DTD1: variants seen among roughly 807,000 people sequenced by gnomAD.
The protein encoded by DTD1 is D-tyrosyl-tRNA deacylase 1 homolog.
A neutral mutation model predicts 25.6 loss-of-function variants in DTD1; 13 were observed. That is an observed-to-expected ratio of 0.51 (90% CI 0.33 to 0.81). The LOEUF (loss-of-function observed/expected upper bound fraction) is 0.81. DTD1 is among the 30% of genes least tolerant of loss of function. The pLI is 0.02. For synonymous variants in DTD1, 110 were observed against 103.6 expected, an observed-to-expected ratio of 1.06 and a Z score of -0.37; for missense variants, 193 against 266.4, an observed-to-expected ratio of 0.72 and a Z score of 1.92.
At chr20:18,720,921 T>G (rs2061200703) in intron 4 of DTD1, among the ~76,000 whole-genome samples, 1 of 152,212 alleles carries the variant, frequency 6.6e-6, no homozygotes, top group Non-Finnish European at 1.5e-5. Context: ...TAAGACACAT[T>G]AATTTAGATA....
chr20:18,734,421 C>G (rs1430946601), intron 4 of DTD1, among the ~76,000 whole-genome samples: 1 of 152,232 alleles, frequency 6.6e-6, no homozygotes, highest in Non-Finnish European at 1.5e-5. Context: ...GAGTGCAAGT[C>G]TCCATCATTC....
intron 4 of DTD1, among the ~76,000 whole-genome samples, chr20:18,641,537 G>A (rs964302104): frequency 1.3e-5 from 2 of 152,138 alleles, no homozygotes; most frequent in Non-Finnish European, 2.9e-5. Flanking sequence ...GTGTGTGTGT[G>A]TGTGTTTTCT....
chr20:18,759,078 T>C (rs1476402650), intron 5 of DTD1, among the ~76,000 whole-genome samples: 1 of 152,160 alleles, frequency 6.6e-6, no homozygotes, highest in East Asian at 1.9e-4. Flanking sequence ...TTTTGTTTTT[T>C]CATTTGCTTG....
chr20:18,760,309 C>G (rs1287558333), intron 5 of DTD1, among the ~76,000 whole-genome samples: 1 of 152,168 alleles, frequency 6.6e-6, no homozygotes, highest in Non-Finnish European at 1.5e-5. Context: ...AGGAGAGGTG[C>G]TCTGATTTTT....
At chr20:18,628,303 G>T in intron 4 of DTD1, 70 bp downstream of exon 4, 1 of 1,148,538 alleles carries the variant, frequency 8.7e-7, no homozygotes, top group Non-Finnish European at 1.3e-6. Flanking sequence ...CCCTGGAAGA[G>T]TCCTCGGTCT....
intron 4 of DTD1, among the ~76,000 whole-genome samples, chr20:18,663,312 A>G (rs2060918589): frequency 6.6e-6 from 1 of 152,044 alleles, no homozygotes; most frequent in African/African-American, 2.4e-5. Context: ...TGAGTCCAGG[A>G]GTTCTAGGCT....
At chr20:18,723,106 G>A (rs2061210995) in intron 4 of DTD1, among the ~76,000 whole-genome samples, 1 of 152,162 alleles carries the variant, frequency 6.6e-6, no homozygotes, top group Non-Finnish European at 1.5e-5. Flanking sequence ...TTGCCATTCT[G>A]GGGCAGAACA....
At chr20:18,651,192 T>A (rs1391342233) in intron 4 of DTD1, among the ~76,000 whole-genome samples, 1 of 152,238 alleles carries the variant, frequency 6.6e-6, no homozygotes, top group African/African-American at 2.4e-5. Context: ...CACTCTGTTA[T>A]GCCGGCTAGA....
At chr20:18,744,029 C>T (rs2061289873) in intron 4 of DTD1, 71 bp from the exon 5 acceptor site, 9 of 1,491,756 alleles carry the variant, frequency 6.0e-6, no homozygotes, top group Non-Finnish European at 8.1e-6. Context: ...CCTGGGAAGT[C>T]ACTGGTGTGT....
intron 4 of DTD1, among the ~76,000 whole-genome samples, chr20:18,635,132 T>A (rs994429065): frequency 6.6e-6 from 1 of 152,210 alleles, no homozygotes; most frequent in Non-Finnish European, 1.5e-5. Context: ...GTTGACTTGC[T>A]GCAGGAGTAT....
At chr20:18,651,723 A>G (rs574040178) in intron 4 of DTD1, among the ~76,000 whole-genome samples, 7 of 152,290 alleles carry the variant, frequency 4.6e-5, no homozygotes, top group East Asian at 1.9e-4. Flanking sequence ...AGACTTTTCA[A>G]AGCTCTCCAG....
chr20:18,669,457 T>C (rs535034416), intron 4 of DTD1, among the ~76,000 whole-genome samples: 32 of 152,328 alleles, frequency 2.1e-4, no homozygotes, highest in Admixed American at 5.9e-4. Context: ...AGCTCCTCTT[T>C]CTCCTGTCAT....
At chr20:18,631,759 C>A (rs1421604780) in intron 4 of DTD1, 15 of 985,234 alleles carry the variant, frequency 1.5e-5, no homozygotes, top group Non-Finnish European at 1.8e-5. Flanking sequence ...TTTATTTGAT[C>A]ATTATTCCAT....
chr20:18,613,253 C>T (rs572682682), intron 3 of DTD1, among the ~76,000 whole-genome samples: 11 of 152,108 alleles, frequency 7.2e-5, no homozygotes, highest in Non-Finnish European at 1.0e-4. Context: ...TATACAGTGC[C>T]GAGTAAGAGT....
intron 4 of DTD1, among the ~76,000 whole-genome samples, chr20:18,721,088 C>T (rs2061201353): frequency 6.6e-6 from 1 of 152,132 alleles, no homozygotes; most frequent in Non-Finnish European, 1.5e-5. Flanking sequence ...CTTTTCTTGT[C>T]TTACTGCACT....
intron 4 of DTD1, among the ~76,000 whole-genome samples, chr20:18,707,460 T>C (rs147150734): frequency 7.9e-4 from 120 of 152,264 alleles, no homozygotes; most frequent in African/African-American, 2.8e-3. Context: ...TCTTACCCAA[T>C]ATACCAAACT....
intron 4 of DTD1, among the ~76,000 whole-genome samples, chr20:18,738,066 A>G (rs1318732051): frequency 6.6e-6 from 1 of 152,200 alleles, no homozygotes; most frequent in Admixed American, 6.5e-5. Context: ...TTATTTTTCC[A>G]GTGGACAGTC....
intron 5 of DTD1, among the ~76,000 whole-genome samples, chr20:18,750,740 G>C (rs2061318525): frequency 6.6e-6 from 1 of 152,200 alleles, no homozygotes; most frequent in Admixed American, 6.5e-5. Context: ...TTTTCTGTGA[G>C]GATGCAGCTC....
At chr20:18,705,779 C>T (rs1308327635) in intron 4 of DTD1, among the ~76,000 whole-genome samples, 2 of 152,148 alleles carry the variant, frequency 1.3e-5, no homozygotes, top group East Asian at 3.8e-4. Context: ...AGGTTGGAAA[C>T]ATTGTTGGAA....
Sources: gnomAD v4.1 joint callset for allele counts (sites outside exome capture counted in the v4.1 genomes callset) on GRCh38, gnomAD v4.1.1 for gene constraint, MANE v1.5 for transcripts, NCBI Gene and HGNC (gene_info 2026-07-23, HGNC 2026-07-21) for gene names.